The following ZAN variants were observed in gnomAD, a reference collection of about 807,000 sequenced individuals.
ZAN encodes the protein zonadhesin (gene/pseudogene).
In ZAN, 260 loss-of-function variants were observed where a neutral mutation model predicts 286.2. The ratio of observed to expected loss-of-function variants is 0.91; its 90% CI spans 0.82 to 1.01. ZAN has a LOEUF of 1.01. Among genes scored for constraint, ZAN ranks in the 50% least tolerant of loss-of-function variants. ZAN has a pLI of 0.00. For synonymous variants in ZAN, 1,368 were observed against 1,417.5 expected, an observed-to-expected ratio of 0.97 and a Z score of 0.79; for missense variants, 3,410 against 3,639.2, an observed-to-expected ratio of 0.94 and a Z score of 1.62.
intron 35 of ZAN, 46 bp downstream of exon 35, chr7:100,779,796 TC>T: frequency 6.6e-7 from 1 of 1,508,714 alleles, no homozygotes. Flanking sequence ...AAACCCCCTT[TC>T]CCTCTCTGCT....
Position 100,790,942 on chromosome 7 carries a change from T to G in ZAN, c.7358T>G (p.Val2453Gly). 2.5e-6 allele frequency: 4 copies of G among 1,606,476 alleles called. No individual in the cohort carries two copies. Among genetic ancestry groups the G allele is most frequent in the Non-Finnish European group, 3.4e-6 (4 of 1,176,940 alleles). The change falls in exon 40 of 48, where the codon GTG (valine) becomes GGG (glycine). Residue 2453 changes from valine to glycine, a missense_variant and splice_region_variant. Val to Gly is a moderately radical substitution (Grantham distance 109). Coordinates refer to ENST00000613979, the MANE Select transcript of ZAN (RefSeq NM_003386.3). Reference sequence around the variant, plus strand: ...TCTGGGGACCCCCTTCCTCCCGCAGTGATCTCCCTACCCAGCATGTACGAG... The same window carrying G: ...TCTGGGGACCCCCTTCCTCCCGCAGGGATCTCCCTACCCAGCATGTACGAG... ...VVSFGGRKNA[V>G]ISLPSMYEGL... is the part of the protein sequence containing the mutation.
In ZAN at chr7:100,755,135, A is replaced by C; in HGVS notation, c.3125-91A>C. 5 of 1,432,604 alleles carry C rather than the reference A, an allele frequency of 3.5e-6. No homozygotes were observed. The South Asian group carries it at 6.8e-5, about 19-fold the overall frequency. 88.7% of individuals were successfully genotyped at this position (1,432,604 alleles called of 1,614,324 possible). ...AATAATATGGTCCTGTTTCCTAGAGAAGAACTTGAGTTTGGGGGTAGAGGA... is the reference window on the plus strand; with the variant it reads ...AATAATATGGTCCTGTTTCCTAGAGCAGAACTTGAGTTTGGGGGTAGAGGA... On this transcript the variant is annotated intron_variant, in intron 14 of 47. Coordinates refer to ENST00000613979, the MANE Select transcript of ZAN (RefSeq NM_003386.3).
At chr7:100,734,626 A>AC (rs1554395478) in intron 2 of ZAN, among the ~76,000 whole-genome samples, 2 of 139,112 alleles carry the variant, frequency 1.4e-5, no homozygotes, top group African/African-American at 5.2e-5. Context: ...CTCAAAAAAA[A>AC]AAAAACAAAA....
rs1443624600 is a variant in ZAN, at chr7:100,752,608, G to A, written c.2503G>A (p.Glu835Lys). The A allele has an allele frequency of 6.3e-7, 1 of 1,597,980 alleles. No homozygotes were observed. The highest frequency in any genetic ancestry group is 8.5e-7 in the Non-Finnish European group (1 of 1,174,704). ...TGAAGAAACCACCACCTCTGTTGAA[G>A]AGACTACCATCTCTACAGAAAAACT... ...PTEETTTSVEETTISTEKLTI... is the reference protein window; with the variant it reads ...PTEETTTSVEKTTISTEKLTI... Residue 835 changes from glutamate to lysine, a missense_variant, in exon 14 of 48, where the codon GAG becomes AAG. Physicochemically the swap from Glu to Lys is moderately conservative, Grantham distance 56. Around this residue, in one of 7 missense-constraint regions of ZAN, gnomAD observed 90 missense variants for 87.1 expected, o/e 1.03. Coordinates refer to ENST00000613979, the MANE Select transcript of ZAN (RefSeq NM_003386.3).
chr7:100,760,645 A>C, intron 19 of ZAN, 109 bp downstream of exon 19: 4 of 1,470,332 alleles, frequency 2.7e-6, no homozygotes, highest in Non-Finnish European at 3.7e-6. Flanking sequence ...CCCTGGCACC[A>C]CTACTTGATC....
In ZAN at chr7:100,769,563, G is replaced by A. The variant is rs554027539; in HGVS notation, c.5154-317G>A. On this transcript the variant is annotated intron_variant, in intron 27 of 47. Transcript: ENST00000613979. ...TTTCCTTTTTTTCTTTTCTTTTCTT[G>A]AGACAGGGTCTTGCTCTGTTGCCCA... is the stretch of plus-strand genomic sequence containing the variant. Among the ~76,000 whole-genome samples, 12 of 132,868 alleles carry A rather than the reference G, an allele frequency of 9.0e-5. No homozygotes were observed. In the South Asian group the frequency reaches 2.8e-3, roughly 31 times the overall value. 87.2% of individuals were successfully genotyped at this position (132,868 alleles called of 152,430 possible).
Position 100,768,606 on chromosome 7 carries a change from C to G in ZAN, c.5042-4C>G, listed in dbSNP as rs112459883. 1 of 1,601,324 alleles carries G rather than the reference C, an allele frequency of 6.2e-7. No individual in the cohort carries two copies. The highest frequency in any genetic ancestry group is 8.5e-7 in the Non-Finnish European group (1 of 1,173,668). On this transcript the variant is annotated splice_polypyrimidine_tract_variant and splice_region_variant and intron_variant, in intron 26 of 47. Coordinates refer to ENST00000613979, the MANE Select transcript of ZAN (RefSeq NM_003386.3). ...TTGCCTGTTTTAATGACTCCCTCCTCTAGGGAACTACAACAACAACAGCTT... is the reference window on the plus strand; with the variant it reads ...TTGCCTGTTTTAATGACTCCCTCCTGTAGGGAACTACAACAACAACAGCTT...
chr7:100,791,853 G>C, intron 40 of ZAN, 113 bp from the exon 41 acceptor site: 1 of 1,301,512 alleles, frequency 7.7e-7, no homozygotes, highest in Non-Finnish European at 1.0e-6. Flanking sequence ...TCAGCCTCCC[G>C]GGTAGCTGGG....
At position 100,764,201 on chromosome 7, in the gene ZAN, G is replaced by A; in HGVS notation, c.4267+5G>A. 1 of 1,541,322 alleles carries A rather than the reference G, an allele frequency of 6.5e-7. No homozygotes were observed. The highest frequency in any genetic ancestry group is 8.7e-7 in the Non-Finnish European group (1 of 1,144,302). The stretch of plus-strand genomic sequence containing the variant: ...GGAGGGAACCCCACTTCTGCCGTGA[G>A]TTGTGCCAAACTCAGAGGAGAGGCC... On this transcript the variant is annotated splice_donor_5th_base_variant and intron_variant, in intron 22 of 47. Coordinates refer to ENST00000613979, the MANE Select transcript of ZAN (RefSeq NM_003386.3).
intron 34 of ZAN, among the ~76,000 whole-genome samples, chr7:100,778,650 G>A (rs1452824136): frequency 1.3e-5 from 2 of 152,116 alleles, no homozygotes; most frequent in East Asian, 3.9e-4. Context: ...ATTGGCCAGA[G>A]CTCAGACCAG....
intron 1 of ZAN, 64 bp from the exon 2 acceptor site, chr7:100,733,963 G>T (rs560998133): frequency 2.4e-5 from 9 of 370,864 alleles, no homozygotes; most frequent in African/African-American, 4.6e-5. Flanking sequence ...TATTTCCCTC[G>T]ATTTCAATCT....
chr7:100,749,118 T>A (rs1808430109), intron 11 of ZAN, among the ~76,000 whole-genome samples: 2 of 151,710 alleles, frequency 1.3e-5, no homozygotes, highest in Admixed American at 1.3e-4. Context: ...GGCAGGTGGA[T>A]CACTTGAGGT....
Position 100,771,048 on chromosome 7 carries a change from C to A in ZAN, c.5249-796C>A, listed in dbSNP as rs62483598. ...TGAACTCCTGACCTCAAATGATCCA[C>A]CTGCCTTGGCCTCCCAAAGTGCTGG... On this transcript the variant is annotated intron_variant, in intron 28 of 47. Coordinates refer to ENST00000613979, the MANE Select transcript of ZAN (RefSeq NM_003386.3). 2.0e-5 allele frequency among the ~76,000 whole-genome samples: 3 copies of A among 151,960 alleles called. No individual in the cohort carries two copies. The South Asian group carries it at 6.2e-4, about 31-fold the overall frequency.
chr7:100,762,178 C>T, intron 19 of ZAN, 37 bp from the exon 20 acceptor site: 4 of 1,610,314 alleles, frequency 2.5e-6, no homozygotes, highest in Non-Finnish European at 3.4e-6. Context: ...GAGGCTGCTT[C>T]TCTCCATTAA....
In ZAN at chr7:100,736,938, G is replaced by T; in HGVS notation, c.383G>T (p.Trp128Leu). ...GCCCACCACATGTTCGGGCTGTCTT[G>T]GGGCGCCCAGCTCAGGCTGCTGCTG... is the stretch of plus-strand genomic sequence containing the variant. ...HFAHHMFGLS[W>L]GAQLRLLLLS... is the part of the protein sequence containing the mutation. The change falls in exon 5 of 48, where the codon TGG becomes TTG. Residue 128 changes from tryptophan (W) to leucine (L), a missense_variant. Physicochemically the swap from Trp to Leu is moderately conservative, Grantham distance 61. Around this residue, in one of 7 missense-constraint regions of ZAN, gnomAD observed 872 missense variants for 938.9 expected, o/e 0.93. Transcript: ENST00000613979. The T allele has an allele frequency of 6.7e-7, 1 of 1,501,460 alleles. No individual in the cohort carries two copies. Among genetic ancestry groups the T allele is most frequent in the East Asian group, 2.3e-5 (1 of 43,008 alleles). 93.0% of individuals were successfully genotyped at this position (1,501,460 alleles called of 1,614,324 possible).
chr7:100,765,062 C>G (rs576601377), intron 22 of ZAN, among the ~76,000 whole-genome samples: 3 of 152,132 alleles, frequency 2.0e-5, no homozygotes, highest in Admixed American at 6.6e-5. Flanking sequence ...CGGTCCCCTG[C>G]GGGCCAACAG....
At position 100,743,021 on chromosome 7, in the gene ZAN, CTTTT is replaced by C. The variant is rs1319621846; in HGVS notation, c.767-3515_767-3512del. Reference sequence around the variant, plus strand: ...TGCAAAAATCCAGGCGACACTCTTTCTTTTTCTTTCTTTTTTTTTTTTTGAGACA... The same window carrying C: ...TGCAAAAATCCAGGCGACACTCTTTCTCTTTCTTTTTTTTTTTTTGAGACA... On this transcript the variant is annotated intron_variant, in intron 7 of 47. Transcript: ENST00000613979. Among the ~76,000 whole-genome samples the C allele has an allele frequency of 1.4e-4, 18 of 130,736 alleles. 4 individuals carry two copies. Among genetic ancestry groups the C allele is most frequent in the Non-Finnish European group, 2.7e-4 (16 of 59,048 alleles). The allele number at this position is 130,736 out of a possible 152,430, so 85.8% of individuals were successfully genotyped here. A position where few individuals can be genotyped will look rare whatever the true frequency, so the allele number is the denominator to read the frequency against.
rs554433608 is a variant in ZAN at position 100,772,645 on chromosome 7, C to T, written c.5425+625C>T. The stretch of plus-strand genomic sequence containing the variant: ...GACCATCCTGGCTAACACGGAGAAA[C>T]CCCGTCTCTACCAAAAATACAAAAA... On this transcript the variant is annotated intron_variant, in intron 29 of 47. Transcript: ENST00000613979. Among the ~76,000 whole-genome samples the T allele has an allele frequency of 2.6e-5, 4 of 151,764 alleles. No individual in the cohort carries two copies. In the East Asian group the frequency reaches 7.9e-4, roughly 30 times the overall value.
At position 100,795,242 on chromosome 7, in the gene ZAN, G is replaced by A. The variant is rs763260852; in HGVS notation, c.8172G>A (p.Arg2724=). The A allele has an allele frequency of 8.7e-6, 14 of 1,611,062 alleles. No individual in the cohort carries two copies. The East Asian group carries it at 2.7e-4, about 31-fold the overall frequency. The change falls in exon 45 of 48, where the codon CGG becomes CGA. Residue 2724 remains arginine, a synonymous_variant. Coordinates refer to ENST00000613979, the MANE Select transcript of ZAN (RefSeq NM_003386.3). The stretch of plus-strand genomic sequence containing the variant: ...CCTGTCAGAATGACGGGCAGTGTCG[G>A]GAGCAGGGAGCCACCTTCACCTGCG... ...QNPCQNDGQC[R]EQGATFTCEC...
Sources: allele counts gnomAD v4.1 joint callset (sites outside exome capture counted in the v4.1 genomes callset), GRCh38; gene constraint gnomAD v4.1.1; regional missense constraint gnomAD v4.1.1; transcripts MANE v1.5; gene names NCBI Gene and HGNC (gene_info 2026-07-23, HGNC 2026-07-21).